Variants in MVB12B observed in about 807,000 individuals in gnomAD.
MVB12B encodes the protein ESCRT-I complex subunit MVB12B.
MVB12B carries 16 observed loss-of-function variants against 41.6 expected under a neutral mutation model. The observed-to-expected ratio is 0.38, with a 90% confidence interval of 0.26 to 0.58. The LOEUF is 0.58. MVB12B is among the 20% of genes least tolerant of loss of function. MVB12B has a pLI of 0.62. For synonymous variants in MVB12B, 133 were observed against 139.7 expected, an observed-to-expected ratio of 0.95 and a Z score of 0.34; for missense variants, 274 against 380.2, an observed-to-expected ratio of 0.72 and a Z score of 2.32.
At position 126,487,116 on chromosome 9, in the gene MVB12B, A is replaced by G. The variant is rs185681836; in HGVS notation, c.873+3084A>G. On this transcript the variant is annotated intron_variant, in intron 9 of 9. Transcript: ENST00000361171. ...AGGGGTTGGGGCACACCCCGGAGTC[A>G]GTGCCTGGCTAGAATCTCAGATCTT... is the stretch of plus-strand genomic sequence containing the variant. Among the ~76,000 whole-genome samples, 335 of 152,334 alleles carry G rather than the reference A, an allele frequency of 2.2e-3. 3 individuals carry two copies. Among genetic ancestry groups the G allele is most frequent in the Non-Finnish European group, 3.1e-3 (208 of 68,016 alleles).
chr9:126,406,337 G>A (rs1831426078), intron 6 of MVB12B, among the ~76,000 whole-genome samples: 1 of 152,178 alleles, frequency 6.6e-6, no homozygotes. Context: ...GCTGTATTTT[G>A]TTAAACAAAT....
chr9:126,481,649 T>C (rs1344484238), intron 8 of MVB12B, among the ~76,000 whole-genome samples: 1 of 152,190 alleles, frequency 6.6e-6, no homozygotes, highest in Non-Finnish European at 1.5e-5. Flanking sequence ...TCTCTGGCCC[T>C]ATCAGCCAGT....
intron 7 of MVB12B, among the ~76,000 whole-genome samples, chr9:126,475,926 C>T (rs926475709): frequency 4.6e-5 from 7 of 152,198 alleles, no homozygotes; most frequent in African/African-American, 7.2e-5. Flanking sequence ...CTCCTTCTGT[C>T]GTGAACTCTC....
At chr9:126,403,950 C>CTTTTTTTT (rs36030597) in intron 6 of MVB12B, among the ~76,000 whole-genome samples, 4 of 104,722 alleles carry the variant, frequency 3.8e-5, no homozygotes, top group African/African-American at 7.1e-5. Context: ...TCCTTTAAAT[C>CTTTTTTTT]TTTTTTTTTT....
chr9:126,481,378 G>A lies in MVB12B; in HGVS notation c.767G>A (p.Gly256Asp). The change falls in exon 8 of 10, where the codon GGT becomes GAT. Residue 256 changes from glycine (G) to aspartate (D), a missense_variant. Physicochemically the swap from Gly to Asp is moderately conservative, Grantham distance 94 (BLOSUM62 -1). Transcript: ENST00000361171. ...TTTTCTTCTTTTGCAGCAATGGATGGTGTGCCTTTTATGATTTCAGAGAAG... is the reference window on the plus strand; with the variant it reads ...TTTTCTTCTTTTGCAGCAATGGATGATGTGCCTTTTATGATTTCAGAGAAG... ...SNLYAISAMD[G>D]VPFMISEKFS... 6.2e-7 allele frequency: 1 copy of A among 1,613,634 alleles called. No homozygotes were observed. Among genetic ancestry groups the A allele is most frequent in the Non-Finnish European group, 8.5e-7 (1 of 1,179,678 alleles).
At chr9:126,342,082 G>A (rs1203006530) in intron 2 of MVB12B, among the ~76,000 whole-genome samples, 1 of 152,244 alleles carries the variant, frequency 6.6e-6, no homozygotes, top group Non-Finnish European at 1.5e-5. Flanking sequence ...GAATCATTAG[G>A]TATGGCTTTG....
At chr9:126,453,017 A>G (rs1459862993) in intron 7 of MVB12B, among the ~76,000 whole-genome samples, 1 of 152,010 alleles carries the variant, frequency 6.6e-6, no homozygotes, top group Non-Finnish European at 1.5e-5. Context: ...TGCCCCCGAG[A>G]CAAGCCCCTC....
At chr9:126,460,554 T>A (rs1588190327) in intron 7 of MVB12B, among the ~76,000 whole-genome samples, 1 of 151,946 alleles carries the variant, frequency 6.6e-6, no homozygotes, top group East Asian at 1.9e-4. Flanking sequence ...TGTGTAGAGA[T>A]GTGGAGCCAG....
At chr9:126,381,537 C>G (rs547323230) in intron 3 of MVB12B, among the ~76,000 whole-genome samples, 1 of 152,162 alleles carries the variant, frequency 6.6e-6, no homozygotes, top group Non-Finnish European at 1.5e-5. Flanking sequence ...CAGCATGGCT[C>G]AGGGAGGGCC....
intron 1 of MVB12B, among the ~76,000 whole-genome samples, chr9:126,332,912 T>C (rs1829167972): frequency 6.6e-6 from 1 of 152,222 alleles, no homozygotes; most frequent in Admixed American, 6.5e-5. Flanking sequence ...AAGCATGTTC[T>C]AGCCTTCTGA....
chr9:126,416,249 C>T (rs1205483891), intron 6 of MVB12B, among the ~76,000 whole-genome samples: 1 of 152,216 alleles, frequency 6.6e-6, no homozygotes, highest in East Asian at 1.9e-4. Flanking sequence ...CTTGCATGTG[C>T]TCACGCATGC....
chr9:126,361,690 G>A (rs914322666), intron 2 of MVB12B, among the ~76,000 whole-genome samples: 1 of 152,068 alleles, frequency 6.6e-6, no homozygotes, highest in African/African-American at 2.4e-5. Context: ...TTTGAAGGAT[G>A]TTTTCCTTGG....
At chr9:126,465,121 G>A (rs1314631036) in intron 7 of MVB12B, among the ~76,000 whole-genome samples, 1 of 152,196 alleles carries the variant, frequency 6.6e-6, no homozygotes, top group Admixed American at 6.5e-5. Context: ...GAGGGCTATA[G>A]AAATCAGCTG....
At chr9:126,330,324 CAT>C (rs1491072936) in intron 1 of MVB12B, among the ~76,000 whole-genome samples, 3 of 150,008 alleles carry the variant, frequency 2.0e-5, no homozygotes, top group Admixed American at 6.6e-5. Flanking sequence ...CACACACACA[CAT>C]ACACACACAC....
intron 3 of MVB12B, among the ~76,000 whole-genome samples, chr9:126,384,867 C>T (rs1462791663): frequency 2.9e-5 from 4 of 139,304 alleles, no homozygotes; most frequent in Admixed American, 7.6e-5. Flanking sequence ...GACAGAGTCT[C>T]ACTCTATTGC....
chr9:126,365,888 G>A (rs1830167185), intron 2 of MVB12B, among the ~76,000 whole-genome samples: 1 of 152,170 alleles, frequency 6.6e-6, no homozygotes, highest in Non-Finnish European at 1.5e-5. Context: ...GCACTTGCCT[G>A]CATGGAATTT....
In MVB12B at chr9:126,497,570, C is replaced by T. The variant is rs544012126; in HGVS notation, c.874-5607C>T. ...TGACCACAGGGGTCACAGCCCTGAGCTCCAGGCCCAGCTACAGGGCCTCGC... is the reference window on the plus strand; with the variant it reads ...TGACCACAGGGGTCACAGCCCTGAGTTCCAGGCCCAGCTACAGGGCCTCGC... On this transcript the variant is annotated intron_variant, in intron 9 of 9. Coordinates refer to ENST00000361171, the MANE Select transcript of MVB12B (RefSeq NM_033446.3). Among the ~76,000 whole-genome samples the T allele has an allele frequency of 1.8e-4, 28 of 152,260 alleles. No homozygotes were observed. The East Asian group carries it at 5.4e-3, about 29-fold the overall frequency.
intron 1 of MVB12B, among the ~76,000 whole-genome samples, chr9:126,336,401 C>G (rs988385334): frequency 8.5e-5 from 13 of 152,256 alleles, no homozygotes; most frequent in African/African-American, 3.1e-4. Context: ...TGCTGACTTT[C>G]AGGGATTAAA....
chr9:126,408,526 A>G (rs1831517471), intron 6 of MVB12B: 1 of 152,042 alleles, frequency 6.6e-6, no homozygotes, highest in African/African-American at 2.4e-5. Flanking sequence ...GAAAGTGGCC[A>G]CTGCAAATGG....
Sources: allele counts gnomAD v4.1 joint callset (sites outside exome capture counted in the v4.1 genomes callset), GRCh38; gene constraint gnomAD v4.1.1; transcripts MANE v1.5; gene names NCBI Gene and HGNC (gene_info 2026-07-23, HGNC 2026-07-21).